ADGRD2: variants seen among roughly 807,000 people sequenced by gnomAD.
The protein encoded by ADGRD2 is G protein-coupled receptor PGR24.
ADGRD2 carries 71 observed loss-of-function variants against 44.4 expected under a neutral mutation model. The observed-to-expected ratio is 1.60, with a 90% CI of 1.32 to 1.95. The LOEUF (loss-of-function observed/expected upper bound fraction) is 1.95, where lower values mean the gene tolerates loss of function less well. Among genes scored for constraint, ADGRD2 ranks in the 30% most tolerant of loss-of-function variants. The probability of loss-of-function intolerance (pLI) is 0.00; values close to 1 mark genes in which losing one functional copy is unlikely to be tolerated. For missense variants in ADGRD2, 1,039 were observed against 512.4 expected (o/e 2.03, Z -9.92); for synonymous variants, 481 against 224.8 (o/e 2.14, Z -10.19).
chr9:124,460,388 A>ATT (rs1554718954), intron 10 of ADGRD2, among the ~76,000 whole-genome samples: 3,475 of 145,200 alleles, frequency 0.024, 128 homozygotes, highest in African/African-American at 0.078. Flanking sequence ...ATATATATAT[A>ATT]TTTTTTTTTA....
At chr9:124,470,500 G>C (rs535753649) in exon 17 of ADGRD2, 2 of 710,504 alleles carry the variant, frequency 2.8e-6, no homozygotes, top group Admixed American at 4.0e-5. Flanking sequence ...ACAGGGCCAC[G>C]GTGAAGCCCG....
At chr9:124,466,590 A>G (rs1831829464) in intron 11 of ADGRD2, 177 bp downstream of exon 14, 1 of 436,934 alleles carries the variant, frequency 2.3e-6, no homozygotes, top group South Asian at 5.2e-5. Flanking sequence ...GCGGCTGATC[A>G]CTTGAGCCCA....
At chr9:124,476,630 G>A (rs1832054666) in intron 20 of ADGRD2, 49 bp from the exon 24 acceptor site, 2 of 687,536 alleles carry the variant, frequency 2.9e-6, no homozygotes, top group South Asian at 1.5e-5. Flanking sequence ...AGGGCAAGGG[G>A]CAGCAGAAGG....
In ADGRD2 at chr9:124,458,726, T is replaced by G. The variant is rs1457967942; in HGVS notation, c.1870+5T>G. 1.4e-6 allele frequency: 1 copy of G among 717,662 alleles called. No individual in the cohort carries two copies. The highest frequency in any genetic ancestry group is 1.7e-5 in the African/African-American group (1 of 57,260). The allele number at this position is 717,662 out of a possible 1,614,324, so 44.5% of individuals were successfully genotyped here. On this transcript the variant is annotated splice_donor_5th_base_variant and intron_variant, in intron 10 of 21. Transcript: ENST00000334810. ...CATCTCCAGCACCGGGCCCAGGTAC[T>G]GGGTGGCGCTTCTGGGAAGCAGCCA...
At chr9:124,472,008 ATCTTGTTGC>A (rs1206680441) in intron 17 of ADGRD2, among the ~76,000 whole-genome samples, 1 of 152,158 alleles carries the variant, frequency 6.6e-6, no homozygotes, top group East Asian at 1.9e-4. Context: ...AGGTGGTGGC[ATCTTGTTGC>A]CATGGCGATT....
chr9:124,452,626 G>T lies in ADGRD2; in HGVS notation c.187G>T (p.Ala63Ser), dbSNP rs371695253. 7 of 718,256 alleles carry T rather than the reference G, an allele frequency of 9.7e-6. No homozygotes were observed. In the African/African-American group the frequency reaches 1.2e-4, roughly 13 times the overall value. The allele number at this position is 718,256 out of a possible 1,614,324, so 44.5% of individuals were successfully genotyped here. Residue 63 changes from alanine to serine, a missense_variant, in exon 2 of 22, where the codon GCA (alanine) becomes TCA (serine). Transcript: ENST00000334810. ...CTGCGAGCAGCAGTTTGGCCACTTG[G>T]CACTGCAGCCCCCTGATGGGGTTCT... is the stretch of plus-strand genomic sequence containing the variant.
chr9:124,459,278 G>A (rs1317794917), intron 10 of ADGRD2, among the ~76,000 whole-genome samples: 2 of 152,164 alleles, frequency 1.3e-5, no homozygotes, highest in East Asian at 3.8e-4. Flanking sequence ...GATCACTTGA[G>A]GTCAGGAGTT....
rs769646909 is a variant in ADGRD2, at chr9:124,468,635, G to C, written c.2352G>C (p.Pro784=). ...AGGTGGTAGCTGTGAGCATGCACCC[G>C]GGCCCAGGCATGCGGCTCTACCACG... Residue 784 remains proline (P), a synonymous_variant, in exon 14 of 22, where the codon CCG becomes CCC. Transcript: ENST00000334810. 18 of 717,990 alleles carry C rather than the reference G, an allele frequency of 2.5e-5. No individual in the cohort carries two copies. In the African/African-American group the frequency reaches 2.8e-4, roughly 11 times the overall value. 44.5% of individuals were successfully genotyped at this position (717,990 alleles called of 1,614,324 possible).
At chr9:124,476,296 G>A (rs1240260584) in intron 19 of ADGRD2, 61 bp from the exon 23 acceptor site, 17 of 661,580 alleles carry the variant, frequency 2.6e-5, no homozygotes, top group Admixed American at 1.3e-4. Flanking sequence ...CTCCCAGGAT[G>A]GGGGAGCAGA....
chr9:124,452,685 C>T (rs921776994), exon 2 of ADGRD2: 2 of 716,582 alleles, frequency 2.8e-6, no homozygotes, highest in African/African-American at 1.7e-5. Flanking sequence ...TCTGGGTGGG[C>T]CAAAGAGAGG....
At chr9:124,475,648 G>A (rs1453299908) in intron 19 of ADGRD2, 33 bp downstream of exon 22, 2 of 617,808 alleles carry the variant, frequency 3.2e-6, no homozygotes, top group East Asian at 3.0e-5. Context: ...GGGTGGGGGC[G>A]GGAGGCCCCC....
At chr9:124,456,488 T>G (rs1831619025) in intron 6 of ADGRD2, 134 bp from the exon 10 acceptor site, 2 of 623,738 alleles carry the variant, frequency 3.2e-6, no homozygotes, top group Non-Finnish European at 5.9e-6. Flanking sequence ...GATCCTAGAG[T>G]CCTTAAAGAG....
At chr9:124,458,530 C>T in intron 9 of ADGRD2, 86 bp from the exon 13 acceptor site, 1 of 670,038 alleles carries the variant, frequency 1.5e-6, no homozygotes, top group Non-Finnish European at 2.8e-6. Context: ...GCTGCCACCT[C>T]CACCGTAGGG....
At position 124,454,222 on chromosome 9, in the gene ADGRD2, T is replaced by C; in HGVS notation, c.1022+125T>C. 1 of 598,174 alleles carries C rather than the reference T, an allele frequency of 1.7e-6. No homozygotes were observed. The allele number at this position is 598,174 out of a possible 1,614,324, so 37.1% of individuals were successfully genotyped here. A position where few individuals can be genotyped will look rare whatever the true frequency, so the allele number is the denominator to read the frequency against. The stretch of plus-strand genomic sequence containing the variant: ...AGAATAAACTCAGAGCTTCAAGGTC[T>C]CCATGGAGTCTAGGCCACAGAGCAG... On this transcript the variant is annotated intron_variant, in intron 4 of 21. Transcript: ENST00000334810. This position sits in a 1 kb window ranked among gnomAD's most constrained non-coding sequence, Gnocchi z 4.5.
chr9:124,469,696 G>A (rs974427983), intron 16 of ADGRD2, 149 bp downstream of exon 19: 10 of 622,022 alleles, frequency 1.6e-5, no homozygotes, highest in Non-Finnish European at 2.9e-5. Context: ...GAGTATGTGG[G>A]TACACACGTG....
intron 21 of ADGRD2, among the ~76,000 whole-genome samples, chr9:124,477,315 GA>G (rs1380209259): frequency 6.6e-6 from 1 of 152,216 alleles, no homozygotes; most frequent in African/African-American, 2.4e-5. Flanking sequence ...TGCGGACCCT[GA>G]CCGCTGGCCG....
chr9:124,470,468 C>T (rs1382238805), intron 16 of ADGRD2, 26 bp from the exon 20 acceptor site: 8 of 703,468 alleles, frequency 1.1e-5, no homozygotes, highest in Admixed American at 6.0e-5. Flanking sequence ...TCCCAACCCC[C>T]GTCAGCCCTG....
intron 19 of ADGRD2, 157 bp downstream of exon 22, chr9:124,475,772 T>C (rs540735600): frequency 7.9e-5 from 43 of 547,628 alleles, no homozygotes; most frequent in Admixed American, 5.3e-4. Flanking sequence ...GGGAGCCCCA[T>C]AGCCTTGGCT....
At chr9:124,466,743 G>A (rs766410080) in intron 11 of ADGRD2, 34 of 172,908 alleles carry the variant, frequency 2.0e-4, no homozygotes, top group African/African-American at 3.3e-4. Flanking sequence ...CCAGGAAGTC[G>A]AGGCTGCAGT....
Sources: gnomAD v4.1 joint callset for allele counts (sites outside exome capture counted in the v4.1 genomes callset) on GRCh38, gnomAD v4.1.1 for gene constraint, Gnocchi (gnomAD v3.1) non-coding constraint, MANE v1.5 for transcripts, NCBI Gene and HGNC (gene_info 2026-07-23, HGNC 2026-07-21) for gene names.